WWC2: variants seen among roughly 807,000 people sequenced by gnomAD.
WWC2 encodes the protein WW and C2 domain containing 2.
WWC2 carries 101 observed loss-of-function variants against 138.5 expected under a neutral mutation model. The ratio of observed to expected loss-of-function variants is 0.73; its 90% confidence interval spans 0.62 to 0.86. The LOEUF (loss-of-function observed/expected upper bound fraction) is 0.86. Ranked by LOEUF, WWC2 falls within the 40% of genes least tolerant of loss-of-function variation. The probability of loss-of-function intolerance (pLI) is 0.00; values close to 1 mark genes in which losing one functional copy is unlikely to be tolerated. For missense variants in WWC2, 1,420 were observed against 1,419.4 expected (o/e 1.00, Z -0.01); for synonymous variants, 558 against 538.4 (o/e 1.04, Z -0.50).
At chr4:183,250,777 G>A (rs933775913) in intron 8 of WWC2, among the ~76,000 whole-genome samples, 8 of 152,138 alleles carry the variant, frequency 5.3e-5, no homozygotes, top group African/African-American at 1.9e-4. Flanking sequence ...GACATTGGGA[G>A]AAACTGCATT....
At chr4:183,233,174 T>TTTTTGTG (rs1736308908) in intron 4 of WWC2, among the ~76,000 whole-genome samples, 1 of 138,884 alleles carries the variant, frequency 7.2e-6, no homozygotes, top group African/African-American at 3.0e-5. Context: ...TTTTTTTTTT[T>TTTTTGTG]GAGAGAAGTC....
Position 183,253,797 on chromosome 4 carries a change from G to A in WWC2, c.994G>A (p.Glu332Lys). 1 of 1,613,490 alleles carries A rather than the reference G, an allele frequency of 6.2e-7. No homozygotes were observed. Among genetic ancestry groups the A allele is most frequent in the East Asian group, 2.2e-5 (1 of 44,870 alleles). Residue 332 changes from glutamate (E) to lysine (K), a missense_variant, in exon 9 of 23, where the codon GAG (glutamate) becomes AAG (lysine). By Grantham distance (56) the Glu-to-Lys change is moderately conservative (BLOSUM62 1). Transcript: ENST00000403733. ...AATTGAACTGTCAAAATTGGACAGT[G>A]AGGCCTGGCCTGGGGCACTGGATAT... Reference protein sequence around the residue: ...LKIELSKLDSEAWPGALDIEK... With the variant: ...LKIELSKLDSKAWPGALDIEK...
chr4:183,277,480 C>T (rs1398185164), intron 16 of WWC2, among the ~76,000 whole-genome samples: 5 of 150,456 alleles, frequency 3.3e-5, no homozygotes. Flanking sequence ...ATTTATAGTC[C>T]TTTGGGTATA....
chr4:183,298,204 C>T (rs1372892115), intron 21 of WWC2, among the ~76,000 whole-genome samples: 3 of 152,176 alleles, frequency 2.0e-5, no homozygotes, highest in Non-Finnish European at 4.4e-5. Flanking sequence ...ACCTGACAGT[C>T]TTAATAATTT....
chr4:183,300,004 A>C (rs1158356606), intron 21 of WWC2, among the ~76,000 whole-genome samples: 1 of 152,218 alleles, frequency 6.6e-6, no homozygotes, highest in East Asian at 1.9e-4. Flanking sequence ...CAGAATAAAA[A>C]AGAGAATCTT....
chr4:183,283,573 G>T (rs926094511), intron 18 of WWC2, among the ~76,000 whole-genome samples: 5 of 152,214 alleles, frequency 3.3e-5, no homozygotes, highest in African/African-American at 1.2e-4. Flanking sequence ...CAAGAGGCAG[G>T]TTTGGAATCA....
intron 4 of WWC2, among the ~76,000 whole-genome samples, chr4:183,216,442 G>C (rs2078781020): frequency 6.6e-6 from 1 of 152,280 alleles, no homozygotes; most frequent in Middle Eastern, 3.4e-3. Context: ...TAAAATTCAG[G>C]CTGTCAAAAT....
At chr4:183,223,232 CT>C (rs993944886) in intron 4 of WWC2, among the ~76,000 whole-genome samples, 3 of 152,226 alleles carry the variant, frequency 2.0e-5, no homozygotes. Context: ...GCAGGCTATG[CT>C]ATCTGGTTCT....
rs200146429 is a variant in WWC2 at position 183,320,128 on chromosome 4, G to T, written c.*4399G>T. 1.5e-4 allele frequency: 238 copies of T among 1,614,106 alleles called. 2 individuals are homozygous for T. In the African/African-American group the frequency reaches 2.8e-3, roughly 19 times the overall value. On this transcript the variant is annotated 3_prime_UTR_variant, in exon 23 of 23. Transcript: ENST00000403733. ...TCCAGGTTGAGGTTCTTCCAGTGTG[G>T]CAGGTAGTTTGTAAGACAGGATAAA...
At chr4:183,286,974 G>C (rs552330282) in intron 20 of WWC2, among the ~76,000 whole-genome samples, 3 of 152,152 alleles carry the variant, frequency 2.0e-5, no homozygotes, top group Non-Finnish European at 4.4e-5. Context: ...GATACTGGGC[G>C]CTGTGGGTAG....
At chr4:183,103,004 C>T (rs1743228428) in intron 1 of WWC2, among the ~76,000 whole-genome samples, 4 of 151,956 alleles carry the variant, frequency 2.6e-5, no homozygotes. Flanking sequence ...TACCAACTCC[C>T]AGTAGAATTT....
rs952112242 is a variant in WWC2, at chr4:183,278,647, G to A, written c.2563-2129G>A. ...CTTCCATTTGTTTGTATCCTCTTTT[G>A]TTTCCTTGAGCAGTGGTTTGTAGTT... On this transcript the variant is annotated intron_variant, in intron 16 of 22. Transcript: ENST00000403733. Among the ~76,000 whole-genome samples the A allele has an allele frequency of 2.4e-3, 364 of 151,898 alleles. 1 individual carries two copies. The highest frequency in any genetic ancestry group is 0.014 in the Middle Eastern group (4 of 294).
intron 1 of WWC2, among the ~76,000 whole-genome samples, chr4:183,166,793 C>T (rs552353766): frequency 2.6e-5 from 4 of 152,122 alleles, no homozygotes; most frequent in Non-Finnish European, 5.9e-5. Flanking sequence ...AAGGTAAGAT[C>T]AAATACTTTG....
intron 16 of WWC2, among the ~76,000 whole-genome samples, chr4:183,272,126 T>C (rs1737712013): frequency 6.6e-6 from 1 of 152,222 alleles, no homozygotes; most frequent in Non-Finnish European, 1.5e-5. Flanking sequence ...GTTATTGTTA[T>C]TGAGTTCAAG....
intron 21 of WWC2, among the ~76,000 whole-genome samples, chr4:183,307,294 C>T (rs1739053075): frequency 6.6e-6 from 1 of 152,124 alleles, no homozygotes; most frequent in South Asian, 2.1e-4. Context: ...AAATGAAAAA[C>T]AACTTAATCA....
chr4:183,302,250 C>T (rs73872354), intron 21 of WWC2, among the ~76,000 whole-genome samples: 3,013 of 152,240 alleles, frequency 0.02, 91 homozygotes, highest in African/African-American at 0.069. Context: ...CTTTGTCGAG[C>T]CTTTTAAGCC....
chr4:183,237,190 G>A (rs559236057), intron 4 of WWC2, among the ~76,000 whole-genome samples: 75 of 152,082 alleles, frequency 4.9e-4, no homozygotes, highest in African/African-American at 1.7e-3. Flanking sequence ...CTTTAGTTAA[G>A]TTAATTCCTA....
chr4:183,275,973 T>C (rs972273491), intron 16 of WWC2, among the ~76,000 whole-genome samples: 6 of 152,272 alleles, frequency 3.9e-5, no homozygotes, highest in African/African-American at 1.4e-4. Context: ...GTATTGCTTT[T>C]TGAGTCTGTT....
rs199788573 is a variant in WWC2 at position 183,319,540 on chromosome 4, G to A, written c.*3811G>A. 2.4e-4 allele frequency: 385 copies of A among 1,597,016 alleles called. 1 individual carries two copies. The highest frequency in any genetic ancestry group is 9.0e-4 in the African/African-American group (67 of 74,532). On this transcript the variant is annotated 3_prime_UTR_variant, in exon 23 of 23. Coordinates refer to ENST00000403733, the MANE Select transcript of WWC2 (RefSeq NM_024949.6). ...AGCAAGCGTCTCCTGAACAGCAGAC[G>A]CTTGTCCTTTCTGGCTTAGTGTTTC...
Sources: gnomAD v4.1 joint callset for allele counts (sites outside exome capture counted in the v4.1 genomes callset) on GRCh38, gnomAD v4.1.1 for gene constraint, MANE v1.5 for transcripts, NCBI Gene and HGNC (gene_info 2026-07-23, HGNC 2026-07-21) for gene names.